The following CTNND2 variants were observed in gnomAD, a reference collection of about 807,000 sequenced individuals.
CTNND2 encodes the protein catenin delta 2, also known as catenin delta-2.
CTNND2 carries 22 observed loss-of-function variants against 144.4 expected under a neutral mutation model. The observed-to-expected ratio is 0.15, with a 90% confidence interval of 0.11 to 0.22. The LOEUF is 0.22. Ranked by LOEUF, CTNND2 falls within the 10% of genes least tolerant of loss-of-function variation. The pLI, the probability that CTNND2 is intolerant of heterozygous loss-of-function variation, is 1.00. For synonymous variants in CTNND2, 751 were observed against 695.6 expected (o/e 1.08, Z -1.25); for missense variants, 1,353 against 1,618.8 (o/e 0.84, Z 2.82).
At chr5:11,243,063 T>C (rs1167420824) in intron 9 of CTNND2, among the ~76,000 whole-genome samples, 1 of 152,246 alleles carries the variant, frequency 6.6e-6, no homozygotes. Context: ...GAAGGTTTTA[T>C]AAACCTTATA....
At chr5:11,508,757 C>CT (rs1187256422) in intron 3 of CTNND2, among the ~76,000 whole-genome samples, 2 of 152,012 alleles carry the variant, frequency 1.3e-5, no homozygotes. Context: ...ACTAAAAATA[C>CT]AAAATTAGAC....
chr5:11,492,507 G>A (rs189986943), intron 3 of CTNND2, among the ~76,000 whole-genome samples: 998 of 37,834 alleles, frequency 0.026, 10 homozygotes, highest in African/African-American at 0.097. Context: ...ATATATATAT[G>A]TGTGTGTGTG....
chr5:11,260,028 G>A (rs1431687189), intron 9 of CTNND2, among the ~76,000 whole-genome samples: 11 of 152,170 alleles, frequency 7.2e-5, no homozygotes, highest in Admixed American at 7.2e-4. Context: ...TTCCTATGCA[G>A]CTCTGCATAT....
At chr5:11,844,978 T>C (rs1053283407) in intron 1 of CTNND2, among the ~76,000 whole-genome samples, 1 of 152,152 alleles carries the variant, frequency 6.6e-6, no homozygotes, top group South Asian at 2.1e-4. Context: ...ATCATTTTCA[T>C]GAACGGGAGC....
chr5:11,442,172 C>CT (rs1561399721), intron 3 of CTNND2, among the ~76,000 whole-genome samples: 1 of 152,158 alleles, frequency 6.6e-6, no homozygotes, highest in South Asian at 2.1e-4. Context: ...TTTTATTCCA[C>CT]TATTATCTGT....
intron 1 of CTNND2, among the ~76,000 whole-genome samples, chr5:11,807,434 T>C (rs998901762): frequency 6.6e-6 from 1 of 152,208 alleles, no homozygotes; most frequent in African/African-American, 2.4e-5. Flanking sequence ...ATTAGGTTTT[T>C]AACTTACGTG....
At chr5:11,212,576 A>G (rs1738749189) in intron 10 of CTNND2, among the ~76,000 whole-genome samples, 1 of 152,212 alleles carries the variant, frequency 6.6e-6, no homozygotes, top group Non-Finnish European at 1.5e-5. Flanking sequence ...TTTTCATACT[A>G]ATAAAGACTT....
chr5:11,450,978 A>T (rs2149912585), intron 3 of CTNND2, among the ~76,000 whole-genome samples: 1 of 151,954 alleles, frequency 6.6e-6, no homozygotes, highest in East Asian at 1.9e-4. Context: ...TTGGACAAAA[A>T]ATATGTTCAA....
At chr5:11,250,178 TG>T (rs1315326466) in intron 9 of CTNND2, among the ~76,000 whole-genome samples, 1 of 152,152 alleles carries the variant, frequency 6.6e-6, no homozygotes, top group East Asian at 1.9e-4. Context: ...CAGTGGACCA[TG>T]GGTGAAAAGG....
chr5:11,235,702 A>T (rs1292233070), intron 10 of CTNND2, among the ~76,000 whole-genome samples: 1 of 152,212 alleles, frequency 6.6e-6, no homozygotes, highest in Non-Finnish European at 1.5e-5. Flanking sequence ...GTTGAGAACC[A>T]TTGCTCTATA....
At chr5:11,469,070 C>A (rs1766924802) in intron 3 of CTNND2, among the ~76,000 whole-genome samples, 1 of 152,172 alleles carries the variant, frequency 6.6e-6, no homozygotes, top group Admixed American at 6.5e-5. Flanking sequence ...CCTGAGATGG[C>A]AAGTTGCTCT....
At chr5:11,500,202 T>C (rs1483959153) in intron 3 of CTNND2, among the ~76,000 whole-genome samples, 1 of 152,066 alleles carries the variant, frequency 6.6e-6, no homozygotes, top group Non-Finnish European at 1.5e-5. Context: ...TTCTGAAGAG[T>C]AGGTAGGCCG....
At chr5:11,331,067 C>G (rs1426472526) in intron 9 of CTNND2, among the ~76,000 whole-genome samples, 1 of 152,154 alleles carries the variant, frequency 6.6e-6, no homozygotes, top group Non-Finnish European at 1.5e-5. Context: ...TCTAAAAAAT[C>G]CCATGCTTTG....
intron 2 of CTNND2, among the ~76,000 whole-genome samples, chr5:11,729,900 T>C (rs1017101980): frequency 1.3e-5 from 2 of 152,214 alleles, no homozygotes; most frequent in African/African-American, 4.8e-5. Flanking sequence ...AAATTAGTTT[T>C]ATTTTCACTT....
Position 11,531,650 on chromosome 5 carries a change from G to A in CTNND2, c.287+33294C>T, listed in dbSNP as rs186252034. 9.3e-4 allele frequency among the ~76,000 whole-genome samples: 141 copies of A among 152,020 alleles called. 1 individual carries two copies. The highest frequency in any genetic ancestry group is 2.9e-5 in the Non-Finnish European group (2 of 67,970). On this transcript the variant is annotated intron_variant, in intron 3 of 21. Transcript: ENST00000304623. Reference sequence around the variant, plus strand: ...AAAACAAAACAAAACAAAAAGACAGGGAGAGCCACTGCCATGGCGGATTGT... The same window carrying A: ...AAAACAAAACAAAACAAAAAGACAGAGAGAGCCACTGCCATGGCGGATTGT...
chr5:11,677,232 T>C (rs1581706763), intron 2 of CTNND2, among the ~76,000 whole-genome samples: 1 of 152,346 alleles, frequency 6.6e-6, no homozygotes, highest in East Asian at 1.9e-4. Flanking sequence ...TGCCAACTGA[T>C]AAGATCATGT....
chr5:11,257,592 A>G (rs1188306024), intron 9 of CTNND2, among the ~76,000 whole-genome samples: 1 of 152,174 alleles, frequency 6.6e-6, no homozygotes, highest in Non-Finnish European at 1.5e-5. Context: ...ACTCATTATC[A>G]ATGAGAACAG....
chr5:11,641,355 C>T (rs888790000), intron 2 of CTNND2, among the ~76,000 whole-genome samples: 4 of 151,956 alleles, frequency 2.6e-5, no homozygotes, highest in African/African-American at 9.7e-5. Context: ...ACACTCTAAT[C>T]TCAGTTTTAC....
At chr5:11,088,976 T>C (rs911807378) in intron 15 of CTNND2, among the ~76,000 whole-genome samples, 1 of 152,198 alleles carries the variant, frequency 6.6e-6, no homozygotes, top group African/African-American at 2.4e-5. Context: ...AGAAGGGACA[T>C]AGAGCTGTGA....
Sources: allele counts gnomAD v4.1 joint callset (sites outside exome capture counted in the v4.1 genomes callset), GRCh38; gene constraint gnomAD v4.1.1; transcripts MANE v1.5; gene names NCBI Gene and HGNC (gene_info 2026-07-23, HGNC 2026-07-21).